UVRAG: variants seen among roughly 807,000 people sequenced by gnomAD.
UVRAG encodes the protein UV radiation resistance associated, also known as UV radiation resistance-associated gene protein.
Under a neutral mutation model 78.0 loss-of-function variants are expected in UVRAG, and 19 were observed. The ratio of observed to expected loss-of-function variants is 0.24; its 90% CI spans 0.17 to 0.36. The LOEUF (loss-of-function observed/expected upper bound fraction) is 0.36, where lower values mean the gene tolerates loss of function less well. Among genes scored for constraint, UVRAG ranks in the 10% least tolerant of loss-of-function variants. UVRAG has a pLI of 1.00. For missense variants in UVRAG, 740 were observed against 853.8 expected (o/e 0.87, Z 1.66); for synonymous variants, 323 against 324.6 (o/e 1.00, Z 0.05).
chr11:75,927,118 G>A (rs1275783465), intron 6 of UVRAG, among the ~76,000 whole-genome samples: 4 of 149,676 alleles, frequency 2.7e-5, no homozygotes, highest in African/African-American at 9.9e-5. Context: ...TGCCCAGGCT[G>A]CAGTGCAGTG....
chr11:76,009,635 A>T (rs1591127999), intron 11 of UVRAG, among the ~76,000 whole-genome samples: 1 of 152,090 alleles, frequency 6.6e-6, no homozygotes, highest in East Asian at 1.9e-4. Flanking sequence ...CAGGACTTTC[A>T]TTTTCTTATA....
intron 6 of UVRAG, among the ~76,000 whole-genome samples, chr11:75,933,265 G>C (rs998359610): frequency 6.6e-5 from 10 of 152,140 alleles, no homozygotes; most frequent in Non-Finnish European, 1.3e-4. Flanking sequence ...AGAAAGATCA[G>C]TCTCATCAAT....
intron 12 of UVRAG, among the ~76,000 whole-genome samples, chr11:76,051,787 G>A (rs1442808668): frequency 6.6e-6 from 1 of 152,066 alleles, no homozygotes; most frequent in Non-Finnish European, 1.5e-5. Context: ...TCTTTTGGTT[G>A]GCACATACGT....
intron 5 of UVRAG, 87 bp downstream of exon 5, chr11:75,888,990 T>C (rs557881813): frequency 1.8e-6 from 2 of 1,090,352 alleles, no homozygotes; most frequent in African/African-American, 1.6e-5. Context: ...CTGAAAACTC[T>C]GTGTAAATAG....
chr11:75,876,991 TG>T (rs1946796422), intron 3 of UVRAG, among the ~76,000 whole-genome samples: 1 of 151,388 alleles, frequency 6.6e-6, no homozygotes, highest in Non-Finnish European at 1.5e-5. Context: ...CAGAGGACCC[TG>T]CGGCCTTCCG....
chr11:75,827,189 C>A (rs188474725), intron 1 of UVRAG, among the ~76,000 whole-genome samples: 79 of 150,854 alleles, frequency 5.2e-4, no homozygotes, highest in Non-Finnish European at 1.0e-3. Flanking sequence ...ACATGAGAAT[C>A]AGGCTTATGA....
chr11:76,100,300 T>A (rs1197488578), intron 13 of UVRAG, among the ~76,000 whole-genome samples: 1 of 152,144 alleles, frequency 6.6e-6, no homozygotes, highest in Non-Finnish European at 1.5e-5. Flanking sequence ...TGTCCTAATA[T>A]GTTTAATGTT....
chr11:76,010,232 A>G (rs1032488047), intron 11 of UVRAG, among the ~76,000 whole-genome samples: 2 of 152,238 alleles, frequency 1.3e-5, no homozygotes, highest in Non-Finnish European at 2.9e-5. Context: ...GGGATACAGA[A>G]CATTATTCAT....
chr11:76,096,545 G>A (rs934274771), intron 13 of UVRAG, among the ~76,000 whole-genome samples: 11 of 152,140 alleles, frequency 7.2e-5, no homozygotes, highest in Non-Finnish European at 1.5e-4. Context: ...GAAAGCCTGG[G>A]CTAAATTAAG....
chr11:76,000,200 T>A (rs1949784869), intron 8 of UVRAG, among the ~76,000 whole-genome samples: 1 of 152,206 alleles, frequency 6.6e-6, no homozygotes, highest in African/African-American at 2.4e-5. Flanking sequence ...TAGGTGTAAG[T>A]AGTCTGAATA....
At chr11:75,970,455 G>C (rs1022892306) in intron 7 of UVRAG, among the ~76,000 whole-genome samples, 7 of 152,148 alleles carry the variant, frequency 4.6e-5, no homozygotes, top group African/African-American at 1.4e-4. Context: ...AGAAAGGGCC[G>C]GGCATGATGG....
At chr11:75,932,944 A>T (rs1215236030) in intron 6 of UVRAG, among the ~76,000 whole-genome samples, 1 of 152,194 alleles carries the variant, frequency 6.6e-6, no homozygotes, top group Non-Finnish European at 1.5e-5. Context: ...GCAACCTGCA[A>T]GTTTAATGCA....
chr11:76,052,164 TC>T (rs1428214233), intron 12 of UVRAG, among the ~76,000 whole-genome samples: 1 of 152,200 alleles, frequency 6.6e-6, no homozygotes, highest in African/African-American at 2.4e-5. Flanking sequence ...GACTTTAACC[TC>T]ATGTTTGTGT....
intron 3 of UVRAG, among the ~76,000 whole-genome samples, chr11:75,872,619 C>G (rs1755624959): frequency 6.6e-6 from 1 of 152,040 alleles, no homozygotes; most frequent in African/African-American, 2.4e-5. Flanking sequence ...AATCTCCTGA[C>G]CTTGTGATCT....
At chr11:76,090,424 T>C (rs1429534951) in intron 13 of UVRAG, among the ~76,000 whole-genome samples, 1 of 152,084 alleles carries the variant, frequency 6.6e-6, no homozygotes, top group African/African-American at 2.4e-5. Context: ...CAGCATAAAT[T>C]CCCATTCCCT....
chr11:75,882,632 G>C (rs1391635022), intron 4 of UVRAG, among the ~76,000 whole-genome samples: 1 of 151,368 alleles, frequency 6.6e-6, no homozygotes, highest in African/African-American at 2.4e-5. Flanking sequence ...CTGTAGTCTC[G>C]TGAACTTATT....
At chr11:76,058,277 T>A (rs1444210734) in intron 12 of UVRAG, among the ~76,000 whole-genome samples, 1 of 152,084 alleles carries the variant, frequency 6.6e-6, no homozygotes, top group Non-Finnish European at 1.5e-5. Flanking sequence ...ATGCCTGTAA[T>A]CTTAACACTT....
At chr11:75,947,725 C>A (rs1447224778) in intron 6 of UVRAG, among the ~76,000 whole-genome samples, 1 of 152,130 alleles carries the variant, frequency 6.6e-6, no homozygotes, top group Admixed American at 6.6e-5. Flanking sequence ...AGACCACGGG[C>A]TTTGGAGTTA....
intron 6 of UVRAG, among the ~76,000 whole-genome samples, chr11:75,927,684 C>T (rs1438350905): frequency 2.0e-5 from 3 of 151,916 alleles, no homozygotes. Context: ...AATATTTGAA[C>T]AAAGACTTGA....
Sources: gnomAD v4.1 joint callset for allele counts (sites outside exome capture counted in the v4.1 genomes callset) on GRCh38, gnomAD v4.1.1 for gene constraint, MANE v1.5 for transcripts, NCBI Gene and HGNC (gene_info 2026-07-23, HGNC 2026-07-21) for gene names.